Variants in OPLAH observed in about 807,000 individuals in gnomAD.
OPLAH encodes 5-oxoprolinase, ATP-hydrolysing.
In OPLAH, 103 loss-of-function variants were observed where a neutral mutation model predicts 122.8. The observed-to-expected ratio is 0.84, with a 90% CI of 0.71 to 0.99. The LOEUF (loss-of-function observed/expected upper bound fraction) is 0.99, where lower values mean the gene tolerates loss of function less well. Ranked by LOEUF, OPLAH falls within the 50% of genes least tolerant of loss-of-function variation. The probability of loss-of-function intolerance (pLI) is 0.00; values close to 1 mark genes in which losing one functional copy is unlikely to be tolerated. For missense variants in OPLAH, 1,902 were observed against 1,836.5 expected (o/e 1.04, Z -0.65); for synonymous variants, 875 against 796.0 (o/e 1.10, Z -1.67).
intron 3 of OPLAH, among the ~76,000 whole-genome samples, chr8:144,059,283 C>G (rs578095999): frequency 6.6e-6 from 1 of 152,196 alleles, no homozygotes. Flanking sequence ...AACTGCTCCA[C>G]CCCCACGAAG....
At chr8:144,062,695 C>CAA (rs1835683262), upstream of OPLAH, among the ~76,000 whole-genome samples, 1 of 148,766 alleles carries the variant, frequency 6.7e-6, no homozygotes, top group African/African-American at 2.5e-5. Context: ...GCCCTGTACG[C>CAA]ACTCAGGCTG....
At position 144,059,023 on chromosome 8, in the gene OPLAH, C is replaced by T. The variant is rs1554760261; in HGVS notation, c.420G>A (p.Val140=). Residue 140 remains valine (V), a synonymous_variant, in exon 4 of 27, where the codon GTG becomes GTA. Coordinates refer to ENST00000618853, the MANE Select transcript of OPLAH (RefSeq NM_017570.5). ...TGCCCGCCTCTCCACGGTGCAGCACCACGCGTTCGTCCACCTCCAGCACCT... is the reference window on the plus strand; with the variant it reads ...TGCCCGCCTCTCCACGGTGCAGCACTACGCGTTCGTCCACCTCCAGCACCT... The part of the protein sequence containing the change: ...YEEVLEVDER[V]VLHRGEAGTG... The T allele has an allele frequency of 1.9e-6, 3 of 1,588,272 alleles. No homozygotes were observed. Among genetic ancestry groups the T allele is most frequent in the Admixed American group, 3.5e-5 (2 of 56,768 alleles).
rs1835420711 is a variant in OPLAH at position 144,052,880 on chromosome 8, G to T, written c.3039C>A (p.Phe1013Leu). The T allele has an allele frequency of 6.4e-7, 1 of 1,555,690 alleles. No homozygotes were observed. Among genetic ancestry groups the T allele is most frequent in the Non-Finnish European group, 8.7e-7 (1 of 1,150,322 alleles). ...SLSQGSAVFDFSGTGPEVFGN... is the reference protein window; with the variant it reads ...SLSQGSAVFDLSGTGPEVFGN... Reference sequence around the variant, plus strand: ...CAAACACCTCCGGCCCAGTGCCGCTGAAGTCAAACACGGCGCTGCCCTGCG... The same window carrying T: ...CAAACACCTCCGGCCCAGTGCCGCTTAAGTCAAACACGGCGCTGCCCTGCG... Residue 1013 changes from phenylalanine to leucine, a missense_variant, in exon 22 of 27, where the codon TTC becomes TTA. By Grantham distance (22) the Phe-to-Leu change is conservative. Coordinates refer to ENST00000618853, the MANE Select transcript of OPLAH (RefSeq NM_017570.5).
At chr8:144,054,113 C>G (rs1304952934) in intron 19 of OPLAH, among the ~76,000 whole-genome samples, 1 of 151,726 alleles carries the variant, frequency 6.6e-6, no homozygotes, top group African/African-American at 2.4e-5. Context: ...ACAGTGGGAG[C>G]TCAGCGCAGG....
chr8:144,055,793 A>G lies in OPLAH; in HGVS notation c.2243T>C (p.Ile748Thr). ...LSIFSHRFMS[I>T]AEQMGRILQR... ...GCCTGGCAGCGGCCACTCACCAGCA[A>G]TGCTCATGAAGCGGTGTGAGAAGAT... Residue 748 changes from isoleucine to threonine, a missense_variant, in exon 16 of 27, where the codon ATT becomes ACT. This residue lies in a region of OPLAH where 1,726 missense variants were observed against 1,642.1 expected (regional missense o/e 1.05). Coordinates refer to ENST00000618853, the MANE Select transcript of OPLAH (RefSeq NM_017570.5). This position sits in a 1 kb window ranked among gnomAD's most constrained non-coding sequence, Gnocchi z 6.5. 1 of 1,531,224 alleles carries G rather than the reference A, an allele frequency of 6.5e-7. No homozygotes were observed. Among genetic ancestry groups the G allele is most frequent in the Non-Finnish European group, 8.8e-7 (1 of 1,135,666 alleles). The allele number at this position is 1,531,224 out of a possible 1,614,324, so 94.9% of individuals were successfully genotyped here.
chr8:144,050,704 CT>C (rs1835352079), downstream of OPLAH: 1 of 985,444 alleles, frequency 1.0e-6, no homozygotes, highest in Admixed American at 6.1e-5. Context: ...GGGTATCGTG[CT>C]TAGGGGGAGG....
chr8:144,052,701 C>G, intron 22 of OPLAH, 65 bp downstream of exon 22: 1 of 1,540,628 alleles, frequency 6.5e-7, no homozygotes. Flanking sequence ...CGTGGCTGGG[C>G]CCAGGAGGCG....
chr8:144,050,910 C>A (rs1835357241), downstream of OPLAH: 4 of 1,008,960 alleles, frequency 4.0e-6, no homozygotes, highest in South Asian at 4.0e-5. Flanking sequence ...CGCGGAGGGG[C>A]CCTGGCCTTG....
At chr8:144,057,172 A>G (rs909984142) in intron 11 of OPLAH, 36 bp downstream of exon 11, 18 of 1,603,762 alleles carry the variant, frequency 1.1e-5, no homozygotes, top group Middle Eastern at 3.3e-4. Flanking sequence ...CCCGGCGCAG[A>G]TCACACCACC....
intron 10 of OPLAH, 23 bp from the exon 11 acceptor site, chr8:144,057,343 T>A (rs781958525): frequency 6.2e-7 from 1 of 1,601,356 alleles, no homozygotes; most frequent in East Asian, 2.3e-5. Context: ...AAGGGGTCAG[T>A]GGGCTCTCCT....
Position 144,053,049 on chromosome 8 carries a change from C to G in OPLAH, c.2952G>C (p.Val984=), listed in dbSNP as rs113872381. 1 of 1,602,802 alleles carries G rather than the reference C, an allele frequency of 6.2e-7. No individual in the cohort carries two copies. Among genetic ancestry groups the G allele is most frequent in the Non-Finnish European group, 8.5e-7 (1 of 1,175,912 alleles). The change falls in exon 21 of 27, where the codon GTG becomes GTC. Residue 984 remains valine (V), a synonymous_variant. Transcript: ENST00000618853. ...SRQARGLPLE[V]SSEDHMDDGS... ...CGTCGTCCATGTGGTCTTCCGAGGA[C>G]ACCTCCAGGGGCAGGCCCCGGGCCT...
rs782688690 is a variant in OPLAH at position 144,054,608 on chromosome 8, AC to A, written c.2638del (p.Val880SerfsTer18). 6 of 1,606,698 alleles carry A rather than the reference AC, an allele frequency of 3.7e-6. No homozygotes were observed. In the South Asian group the frequency reaches 6.6e-5, roughly 18 times the overall value. On this transcript the variant is annotated frameshift_variant, in exon 19 of 27. Transcript: ENST00000618853. LOFTEE classifies it high-confidence loss of function. Reference sequence around the variant, plus strand: ...CTGGACAAGTTTGAAGGACAGAAAGACGGCACCCTCCTGTTGCAGCATGGTG... The same window carrying A: ...CTGGACAAGTTTGAAGGACAGAAAGAGGCACCCTCCTGTTGCAGCATGGTG... ...HSTMLQQEGA[V>X]FLSFKLVQGG... is the part of the protein sequence containing the mutation.
At chr8:144,057,145 G>A (rs782505856) in intron 11 of OPLAH, 27 bp from the exon 12 acceptor site, 1 of 1,594,662 alleles carries the variant, frequency 6.3e-7, no homozygotes, top group South Asian at 1.1e-5. Flanking sequence ...CATGGCAATG[G>A]GAGGTCACCT....
intron 3 of OPLAH, 31 bp downstream of exon 3, chr8:144,059,568 C>A: frequency 6.3e-7 from 1 of 1,578,166 alleles, no homozygotes; most frequent in Non-Finnish European, 8.6e-7. Context: ...GTACACCACA[C>A]AGCCTGGTCC....
chr8:144,058,063 C>T lies in OPLAH; in HGVS notation c.1035G>A (p.Pro345=), dbSNP rs368673196. The part of the protein sequence containing the change: ...ASTAGVTLQA[P]QLDINTVAAG... ...CTGCCACGGTGTTGATGTCCAGCTGCGGGGCCTGGAGGGTGACGCCAGCTG... is the reference window on the plus strand; with the variant it reads ...CTGCCACGGTGTTGATGTCCAGCTGTGGGGCCTGGAGGGTGACGCCAGCTG... Residue 345 remains proline (P), a synonymous_variant, in exon 8 of 27, where the codon CCG becomes CCA. Transcript: ENST00000618853. 2.0e-5 allele frequency: 32 copies of T among 1,612,346 alleles called. No homozygotes were observed. The highest frequency in any genetic ancestry group is 5.3e-5 in the African/African-American group (4 of 74,880).
rs1554759828 is a variant in OPLAH at position 144,058,094 on chromosome 8, G to T, written c.1004C>A (p.Ala335Asp). The change falls in exon 8 of 27, where the codon GCC becomes GAC. Residue 335 changes from alanine (A) to aspartate (D), a missense_variant. By Grantham distance (126) the Ala-to-Asp change is moderately radical (BLOSUM62 -2). Around this residue, in one of 3 missense-constraint regions of OPLAH, gnomAD observed 1,726 missense variants for 1,642.1 expected, o/e 1.05. Coordinates refer to ENST00000618853, the MANE Select transcript of OPLAH (RefSeq NM_017570.5). The part of the protein sequence containing the change: ...YAGEFEHVFE[A>D]STAGVTLQAP... ...CTGGAGGGTGACGCCAGCTGTGCTG[G>T]CCTCGAAGACGTGCTCGAATTCCCC... The T allele has an allele frequency of 6.2e-7, 1 of 1,612,554 alleles. No homozygotes were observed.
chr8:144,058,705 C>A lies in OPLAH; in HGVS notation c.588-14G>T, dbSNP rs781931069. The stretch of plus-strand genomic sequence containing the variant: ...TGCTGGGCCCACCTATGACAAAAAC[C>A]CAGTGGCACCTCGTCTCCCACCAGG... On this transcript the variant is annotated splice_polypyrimidine_tract_variant and intron_variant, in intron 5 of 26. Coordinates refer to ENST00000618853, the MANE Select transcript of OPLAH (RefSeq NM_017570.5). 4.4e-6 allele frequency: 7 copies of A among 1,582,110 alleles called. No individual in the cohort carries two copies. Among genetic ancestry groups the A allele is most frequent in the Non-Finnish European group, 6.0e-6 (7 of 1,162,772 alleles).
At chr8:144,056,595 T>C in intron 13 of OPLAH, 23 bp downstream of exon 13, 3 of 1,612,152 alleles carry the variant, frequency 1.9e-6, no homozygotes, top group Non-Finnish European at 2.5e-6. Context: ...TTGCCAGGGA[T>C]CCGGAGTCAG....
In OPLAH at chr8:144,051,959, T is replaced by C. The variant is rs528616708; in HGVS notation, c.3579A>G (p.Ser1193=). 48 of 1,566,424 alleles carry C rather than the reference T, an allele frequency of 3.1e-5. No homozygotes were observed. The highest frequency in any genetic ancestry group is 3.7e-5 in the Admixed American group (2 of 54,186). The part of the protein sequence containing the change: ...ELLFREEALL[S]VLTERRAFRP... The stretch of plus-strand genomic sequence containing the variant: ...GGAAGGCGCGGCGCTCGGTCAGCAC[T>C]GACAGCAGCGCCTCCTCACGAAAGA... Residue 1193 remains serine (S), a synonymous_variant, in exon 25 of 27, where the codon TCA becomes TCG. Transcript: ENST00000618853.
Sources: allele counts gnomAD v4.1 joint callset (sites outside exome capture counted in the v4.1 genomes callset), GRCh38; gene constraint gnomAD v4.1.1; regional missense constraint gnomAD v4.1.1; non-coding constraint Gnocchi (gnomAD v3.1); transcripts MANE v1.5; gene names NCBI Gene and HGNC (gene_info 2026-07-23, HGNC 2026-07-21).